The following CABLES1 variants were observed in gnomAD, a reference collection of about 807,000 sequenced individuals.
The protein encoded by CABLES1 is Cdk5 and Abl enzyme substrate 1, also known as CDK5 and ABL1 enzyme substrate 1.
CABLES1 carries 36 observed loss-of-function variants against 57.8 expected under a neutral mutation model. That is an observed-to-expected ratio of 0.62 (90% CI 0.48 to 0.82). The LOEUF (loss-of-function observed/expected upper bound fraction) is 0.82, where lower values mean the gene tolerates loss of function less well. Ranked by LOEUF, CABLES1 falls within the 40% of genes least tolerant of loss-of-function variation. The pLI is 0.00. For missense variants in CABLES1, 767 were observed against 836.6 expected (o/e 0.92, Z 1.03); for synonymous variants, 374 against 363.0 (o/e 1.03, Z -0.35).
intron 1 of CABLES1, among the ~76,000 whole-genome samples, chr18:23,168,176 C>A (rs2047056963): frequency 6.6e-6 from 1 of 152,192 alleles, no homozygotes; most frequent in South Asian, 2.1e-4. Context: ...TTCATGGCAA[C>A]CTTAGTCACA....
intron 2 of CABLES1, among the ~76,000 whole-genome samples, chr18:23,193,380 C>T (rs766436217): frequency 6.6e-5 from 10 of 152,010 alleles, no homozygotes; most frequent in Non-Finnish European, 1.3e-4. Context: ...TTAGTAGAGA[C>T]GGGGTTTCAC....
chr18:23,180,588 C>G (rs1189269034), intron 1 of CABLES1, among the ~76,000 whole-genome samples: 1 of 152,156 alleles, frequency 6.6e-6, no homozygotes, highest in Non-Finnish European at 1.5e-5. Context: ...GCGATCATAA[C>G]TCATTGCAAC....
At chr18:23,228,658 C>T (rs1268959173) in intron 4 of CABLES1, among the ~76,000 whole-genome samples, 2 of 150,752 alleles carry the variant, frequency 1.3e-5, no homozygotes, top group African/African-American at 2.4e-5. Context: ...AATCCCCACC[C>T]CCATCTTCTG....
intron 1 of CABLES1, among the ~76,000 whole-genome samples, chr18:23,160,021 A>C (rs1170255597): frequency 6.6e-6 from 1 of 151,982 alleles, no homozygotes; most frequent in Non-Finnish European, 1.5e-5. Flanking sequence ...AATAAGATAA[A>C]ATTATCCCAA....
Position 23,258,433 on chromosome 18 carries a change from T to G in CABLES1, c.*1066T>G, listed in dbSNP as rs2048218494. The G allele has an allele frequency of 6.6e-6, 1 of 152,232 alleles. No individual in the cohort carries two copies. The highest frequency in any genetic ancestry group is 1.5e-5 in the Non-Finnish European group (1 of 68,042). The allele number at this position is 152,232 out of a possible 1,614,324, so 9.4% of individuals were successfully genotyped here. On this transcript the variant is annotated 3_prime_UTR_variant, in exon 10 of 10. Coordinates refer to ENST00000256925, the MANE Select transcript of CABLES1 (RefSeq NM_001100619.3). ...CGTTTGGAGCTGTGGTTAAGCTGAC[T>G]AAGGAGGCGGTGGCTCTTTCTTAAC... is the stretch of plus-strand genomic sequence containing the variant.
At chr18:23,249,279 G>T (rs550771736) in intron 7 of CABLES1, among the ~76,000 whole-genome samples, 1 of 152,184 alleles carries the variant, frequency 6.6e-6, no homozygotes, top group Admixed American at 6.5e-5. Context: ...AGCACAACAG[G>T]GCATCCCAGG....
intron 7 of CABLES1, among the ~76,000 whole-genome samples, chr18:23,243,572 T>G (rs747664100): frequency 7.9e-5 from 12 of 151,766 alleles, no homozygotes; most frequent in Non-Finnish European, 1.3e-4. Flanking sequence ...TACAATTCAT[T>G]TTTTTCTCAT....
chr18:23,202,535 T>C (rs1344844823), intron 3 of CABLES1, among the ~76,000 whole-genome samples: 4 of 152,192 alleles, frequency 2.6e-5, no homozygotes, highest in African/African-American at 9.7e-5. Context: ...ACCCTACTTG[T>C]GTGCCACAGT....
chr18:23,240,738 A>T (rs553936103), intron 7 of CABLES1, among the ~76,000 whole-genome samples: 58 of 152,290 alleles, frequency 3.8e-4, no homozygotes, highest in African/African-American at 1.4e-3. Context: ...GGGCAGTCCA[A>T]TGTGGCCAGC....
intron 3 of CABLES1, among the ~76,000 whole-genome samples, chr18:23,211,523 G>C (rs1294519992): frequency 1.3e-5 from 2 of 152,244 alleles, no homozygotes; most frequent in Non-Finnish European, 2.9e-5. Flanking sequence ...TCCCTGCACT[G>C]GGCATGGTGA....
intron 3 of CABLES1, among the ~76,000 whole-genome samples, chr18:23,205,934 C>G (rs2047359872): frequency 6.6e-6 from 1 of 152,152 alleles, no homozygotes; most frequent in African/African-American, 2.4e-5. Context: ...GATGCTGTCA[C>G]AAGCCATGGA....
chr18:23,197,790 T>C (rs1214964048), intron 3 of CABLES1: 1 of 152,184 alleles, frequency 6.6e-6, no homozygotes, highest in Admixed American at 6.5e-5. Context: ...GTGGACTTCA[T>C]AGCTGGAAAA....
At chr18:23,174,856 ATATATG>A (rs2047111763) in intron 1 of CABLES1, among the ~76,000 whole-genome samples, 1 of 124,346 alleles carries the variant, frequency 8.0e-6, no homozygotes, top group Admixed American at 7.7e-5. Context: ...ATATATATAT[ATATATG>A]TTTTTTAAAC....
intron 1 of CABLES1, among the ~76,000 whole-genome samples, chr18:23,161,290 T>C (rs1316085750): frequency 6.6e-6 from 1 of 151,876 alleles, no homozygotes; most frequent in East Asian, 1.9e-4. Flanking sequence ...TGTCTTGCCT[T>C]TCTATCTTCT....
At chr18:23,176,091 C>T (rs944955166) in intron 1 of CABLES1, among the ~76,000 whole-genome samples, 13 of 152,062 alleles carry the variant, frequency 8.5e-5, no homozygotes, top group African/African-American at 2.4e-4. Flanking sequence ...GGGTGGATGA[C>T]GAGAGGGTGA....
At chr18:23,174,856 A>ATATATATG (rs2047111741) in intron 1 of CABLES1, among the ~76,000 whole-genome samples, 1 of 124,346 alleles carries the variant, frequency 8.0e-6, no homozygotes, top group Non-Finnish European at 1.7e-5. Flanking sequence ...ATATATATAT[A>ATATATATG]TATATGTTTT....
At chr18:23,183,131 G>A (rs1161593503) in intron 1 of CABLES1, among the ~76,000 whole-genome samples, 1 of 152,148 alleles carries the variant, frequency 6.6e-6, no homozygotes, top group Non-Finnish European at 1.5e-5. Context: ...TCTCTTCCTG[G>A]CCTGGAAATA....
At chr18:23,158,485 A>C (rs2046980245) in intron 1 of CABLES1, among the ~76,000 whole-genome samples, 1 of 152,210 alleles carries the variant, frequency 6.6e-6, no homozygotes, top group South Asian at 2.1e-4. Flanking sequence ...GATGACCCCA[A>C]ATAAATTAGG....
chr18:23,211,076 C>CA (rs1340890158), intron 3 of CABLES1, among the ~76,000 whole-genome samples: 1 of 151,780 alleles, frequency 6.6e-6, no homozygotes, highest in Admixed American at 6.6e-5. Context: ...GCGGACCACC[C>CA]AGAGTGAGCG....
Sources: allele counts gnomAD v4.1 joint callset (sites outside exome capture counted in the v4.1 genomes callset), GRCh38; gene constraint gnomAD v4.1.1; transcripts MANE v1.5; gene names NCBI Gene and HGNC (gene_info 2026-07-23, HGNC 2026-07-21).